The following CTSC variants were observed in gnomAD, a reference collection of about 807,000 sequenced individuals.
CTSC encodes the protein dipeptidyl peptidase 1.
In CTSC, 37 loss-of-function variants were observed where a neutral mutation model predicts 40.9. The observed-to-expected ratio is 0.91, with a 90% CI of 0.70 to 1.19. The LOEUF is 1.19. CTSC is among the 50% of genes most tolerant of loss of function. The pLI, the probability that CTSC is intolerant of heterozygous loss-of-function variation, is 0.00. For missense variants in CTSC, 594 were observed against 567.3 expected (o/e 1.05, Z -0.48); for synonymous variants, 232 against 207.4 (o/e 1.12, Z -1.02).
chr11:88,333,431 G>T (rs1352230224), intron 2 of CTSC, among the ~76,000 whole-genome samples: 1 of 152,142 alleles, frequency 6.6e-6, no homozygotes, highest in Non-Finnish European at 1.5e-5. Context: ...CAGAGGAAAA[G>T]AAAATGACAA....
intron 2 of CTSC, among the ~76,000 whole-genome samples, chr11:88,332,862 C>A (rs1254727944): frequency 1.3e-5 from 2 of 152,216 alleles, no homozygotes; most frequent in East Asian, 3.8e-4. Context: ...CCATCCAGAA[C>A]CATATGATTA....
chr11:88,299,032 G>A (rs1373909091), intron 5 of CTSC: 1 of 152,060 alleles, frequency 6.6e-6, no homozygotes, highest in East Asian at 1.9e-4. Flanking sequence ...TTGCTAAACT[G>A]TAAATCACTA....
intron 4 of CTSC, among the ~76,000 whole-genome samples, chr11:88,307,363 T>C (rs952617433): frequency 1.3e-5 from 2 of 152,284 alleles, no homozygotes; most frequent in South Asian, 2.1e-4. Context: ...CTATATTAGA[T>C]AGATGTAGAT....
intron 2 of CTSC, among the ~76,000 whole-genome samples, chr11:88,328,509 T>C (rs749542288): frequency 2.0e-5 from 3 of 152,240 alleles, no homozygotes; most frequent in Admixed American, 2.0e-4. Context: ...AAATCTTTTA[T>C]TGTAGAAACA....
intron 5 of CTSC, 42 bp downstream of exon 5, chr11:88,300,488 G>T: frequency 8.2e-7 from 1 of 1,222,952 alleles, no homozygotes; most frequent in Non-Finnish European, 1.2e-6. Context: ...TCAATAAATA[G>T]TTCCAAACAA....
intron 4 of CTSC, among the ~76,000 whole-genome samples, chr11:88,303,530 C>T (rs907819169): frequency 4.6e-5 from 7 of 152,158 alleles, no homozygotes; most frequent in African/African-American, 7.2e-5. Context: ...ACAAATGAAA[C>T]AGATGAAGAA....
intron 1 of CTSC, 87 bp downstream of exon 1, chr11:88,337,414 G>A: frequency 2.2e-6 from 3 of 1,348,534 alleles, no homozygotes; most frequent in Non-Finnish European, 3.1e-6. Context: ...GCGTCTGCCT[G>A]GGGGGAAGCG....
chr11:88,303,196 A>T (rs1944387852), intron 4 of CTSC, among the ~76,000 whole-genome samples: 1 of 152,190 alleles, frequency 6.6e-6, no homozygotes, highest in African/African-American at 2.4e-5. Context: ...TTCTGTGATC[A>T]AATGCATGTG....
intron 2 of CTSC, among the ~76,000 whole-genome samples, chr11:88,320,051 TCAGA>T (rs1454648072): frequency 2.0e-5 from 3 of 152,192 alleles, no homozygotes; most frequent in Admixed American, 1.3e-4. Flanking sequence ...ACATCTTTCC[TCAGA>T]AAGAAACCAA....
In CTSC at chr11:88,317,515, A is replaced by G. The variant is rs888641189; in HGVS notation, c.319-4961T>C. On this transcript the variant is annotated intron_variant, in intron 2 of 6. Coordinates refer to ENST00000227266, the MANE Select transcript of CTSC (RefSeq NM_001814.6). The stretch of plus-strand genomic sequence containing the variant: ...GAGCTGCAATGCCACTCTGCACGAC[A>G]ACAACTTAGTAAAAGAGAGGCATTT... Among the ~76,000 whole-genome samples, 3 of 152,190 alleles carry G rather than the reference A, an allele frequency of 2.0e-5. No homozygotes were observed. The East Asian group carries it at 5.8e-4, about 29-fold the overall frequency.
intron 4 of CTSC, among the ~76,000 whole-genome samples, chr11:88,304,141 T>C (rs928664271): frequency 4.6e-5 from 7 of 152,178 alleles, no homozygotes; most frequent in African/African-American, 1.7e-4. Flanking sequence ...TCAGGGCATA[T>C]GATTTTATCA....
chr11:88,310,654 GAA>G (rs1937734694), intron 3 of CTSC, among the ~76,000 whole-genome samples: 1 of 151,934 alleles, frequency 6.6e-6, no homozygotes, highest in Non-Finnish European at 1.5e-5. Flanking sequence ...TGTTTTTGTC[GAA>G]GTTCTTTCCC....
At chr11:88,302,157 C>G (rs1255869454) in intron 4 of CTSC, among the ~76,000 whole-genome samples, 1 of 152,172 alleles carries the variant, frequency 6.6e-6, no homozygotes, top group African/African-American at 2.4e-5. Context: ...TCTTATTCAA[C>G]TGGGCATTGT....
In CTSC at chr11:88,296,169, G is replaced by A; in HGVS notation, c.853C>T (p.Pro285Ser). 1 of 1,613,960 alleles carries A rather than the reference G, an allele frequency of 6.2e-7. No homozygotes were observed. Among genetic ancestry groups the A allele is most frequent in the Non-Finnish European group, 8.5e-7 (1 of 1,179,928 alleles). The part of the protein sequence containing the change: ...TNNSQTPILS[P>S]QEVVSCSQYA... ...TGGCTACAAGACACAACCTCCTGAG[G>A]GCTTAGGATTGGGGTCTGAGAATTG... Residue 285 changes from proline to serine, a missense_variant, in exon 6 of 7, where the codon CCT (proline) becomes TCT (serine). By Grantham distance (74) the Pro-to-Ser change is moderately conservative. Transcript: ENST00000227266.
chr11:88,312,457 CCGGTGAA>C lies in CTSC; in HGVS notation c.409_415del (p.Phe137GlufsTer15). ...CTCAGAGGCAGTTCCCACCTTCTTT[CCGGTGAA>C]ACAAGCCCAGTTCCGGCCCAACACA... is the stretch of plus-strand genomic sequence containing the variant. On this transcript the variant is annotated frameshift_variant, in exon 3 of 7. Transcript: ENST00000227266. LOFTEE classifies it high-confidence loss of function. The C allele has an allele frequency of 6.2e-7, 1 of 1,614,196 alleles. No individual in the cohort carries two copies. Among genetic ancestry groups the C allele is most frequent in the Non-Finnish European group, 8.5e-7 (1 of 1,180,044 alleles).
chr11:88,296,073 C>T, intron 6 of CTSC, 60 bp downstream of exon 6: 1 of 1,597,616 alleles, frequency 6.3e-7, no homozygotes, highest in Admixed American at 1.7e-5. Context: ...CCTTTGCCAA[C>T]AACAGCCAGC....
intron 5 of CTSC, chr11:88,298,134 C>T (rs1944317900): frequency 6.6e-6 from 1 of 152,236 alleles, no homozygotes; most frequent in Admixed American, 6.5e-5. Flanking sequence ...TGCCTTCCTG[C>T]TCAAATAATA....
chr11:88,313,766 T>C lies in CTSC; in HGVS notation c.319-1212A>G, dbSNP rs557777558. ...AACCTTGGGCAAGATTTTACGAGGC[T>C]TTAGTTCTGTTGCCTGTAAAATATG... On this transcript the variant is annotated intron_variant, in intron 2 of 6. Transcript: ENST00000227266. Among the ~76,000 whole-genome samples, 4 of 152,248 alleles carry C rather than the reference T, an allele frequency of 2.6e-5. No homozygotes were observed. In the South Asian group the frequency reaches 8.3e-4, roughly 32 times the overall value.
intron 5 of CTSC, chr11:88,298,425 C>T (rs922263698): frequency 5.9e-5 from 9 of 152,114 alleles, no homozygotes; most frequent in African/African-American, 2.2e-4. Flanking sequence ...CTCATTTGTC[C>T]TCCCACTATT....
Sources: gnomAD v4.1 joint callset for allele counts (sites outside exome capture counted in the v4.1 genomes callset) on GRCh38, gnomAD v4.1.1 for gene constraint, MANE v1.5 for transcripts, NCBI Gene and HGNC (gene_info 2026-07-23, HGNC 2026-07-21) for gene names.